Variants in IFT81 observed in about 807,000 individuals in gnomAD.
IFT81 encodes the protein intraflagellar transport 81.
A neutral mutation model predicts 102.6 loss-of-function variants in IFT81; 72 were observed. The observed-to-expected ratio is 0.70, with a 90% CI of 0.58 to 0.85. The LOEUF is 0.85. IFT81 is among the 40% of genes least tolerant of loss of function. IFT81 has a pLI of 0.00. For synonymous variants in IFT81, 237 were observed against 242.7 expected (o/e 0.98, Z 0.22); for missense variants, 723 against 787.3 (o/e 0.92, Z 0.98).
chr12:110,185,965 T>G (rs2137532782), intron 12 of IFT81, among the ~76,000 whole-genome samples: 1 of 152,304 alleles, frequency 6.6e-6, no homozygotes, highest in African/African-American at 2.4e-5. Flanking sequence ...ACCTGTTTAC[T>G]CTTTTCATGG....
intron 11 of IFT81, among the ~76,000 whole-genome samples, chr12:110,165,688 G>T (rs1299397533): frequency 2.0e-5 from 3 of 152,138 alleles, no homozygotes; most frequent in Admixed American, 1.3e-4. Flanking sequence ...AGTGATGCTC[G>T]AGGAGATTGC....
At chr12:110,170,640 AT>A (rs143303762) in intron 11 of IFT81, among the ~76,000 whole-genome samples, 1 of 152,008 alleles carries the variant, frequency 6.6e-6, no homozygotes, top group Admixed American at 6.6e-5. Flanking sequence ...TGGGATCTGA[AT>A]TTTTTTTATA....
At chr12:110,180,377 A>G in intron 11 of IFT81, 45 bp from the exon 12 acceptor site, 1 of 1,277,272 alleles carries the variant, frequency 7.8e-7, no homozygotes, top group South Asian at 1.4e-5. Flanking sequence ...ATATTTAGCT[A>G]CTACTTTTCT....
chr12:110,216,173 G>GTTGTTTTGTT (rs745322792), intron 18 of IFT81, among the ~76,000 whole-genome samples: 1 of 151,612 alleles, frequency 6.6e-6, no homozygotes, highest in Admixed American at 6.6e-5. Flanking sequence ...CCTTGGTTTG[G>GTTGTTTTGTT]TTGTTTTGTT....
Position 110,203,938 on chromosome 12 carries a change from C to G in IFT81, c.1632C>G (p.Ser544=). 1 of 1,609,926 alleles carries G rather than the reference C, an allele frequency of 6.2e-7. No individual in the cohort carries two copies. ...CAGCAGGCCTCGAAAGCAATCGGTC[C>G]AAATTAGAACAGGTAAGAAGAGAGT... is the stretch of plus-strand genomic sequence containing the variant. The part of the protein sequence containing the change: ...SCAAGLESNR[S]KLEQEVRRLR... The change falls in exon 15 of 19, where the codon TCC becomes TCG. Residue 544 remains serine, a synonymous_variant. Coordinates refer to ENST00000242591, the MANE Select transcript of IFT81 (RefSeq NM_014055.4).
chr12:110,199,051 C>T (rs759727214), intron 14 of IFT81, among the ~76,000 whole-genome samples: 33 of 152,076 alleles, frequency 2.2e-4, no homozygotes, highest in Non-Finnish European at 3.8e-4. Flanking sequence ...TCAAGTGATC[C>T]GGCCACCTCC....
At chr12:110,146,521 T>G (rs916775308) in intron 9 of IFT81, among the ~76,000 whole-genome samples, 3 of 152,224 alleles carry the variant, frequency 2.0e-5, no homozygotes, top group African/African-American at 2.4e-5. Flanking sequence ...TAAAATACTT[T>G]AGGATAATTT....
rs996936775 is a variant in IFT81, at chr12:110,144,616, T to C, written c.945+1071T>C. ...ACCTCTGCCTCCCGGGTTCAAGCCATTCTCCTGCCTCAGCCTCCCAAGTAG... is the reference window on the plus strand; with the variant it reads ...ACCTCTGCCTCCCGGGTTCAAGCCACTCTCCTGCCTCAGCCTCCCAAGTAG... On this transcript the variant is annotated intron_variant, in intron 9 of 18. Coordinates refer to ENST00000242591, the MANE Select transcript of IFT81 (RefSeq NM_014055.4). Among the ~76,000 whole-genome samples the C allele has an allele frequency of 3.3e-5, 5 of 151,988 alleles. No individual in the cohort carries two copies. The East Asian group carries it at 9.7e-4, about 29-fold the overall frequency.
intron 4 of IFT81, among the ~76,000 whole-genome samples, chr12:110,132,236 G>A (rs1364460089): frequency 1.3e-5 from 2 of 152,144 alleles, no homozygotes; most frequent in Non-Finnish European, 1.5e-5. Context: ...AGGCCAAAGC[G>A]GATGGATCAT....
chr12:110,154,794 T>G (rs1385269808), intron 10 of IFT81, among the ~76,000 whole-genome samples: 1 of 151,940 alleles, frequency 6.6e-6, no homozygotes, highest in Non-Finnish European at 1.5e-5. Context: ...CTATTGAAAC[T>G]TTTTTTTGGC....
At chr12:110,190,347 C>T (rs1897736047) in intron 12 of IFT81, among the ~76,000 whole-genome samples, 1 of 152,218 alleles carries the variant, frequency 6.6e-6, no homozygotes, top group Non-Finnish European at 1.5e-5. Context: ...CTGATTCCCT[C>T]ACTTCCTACG....
At chr12:110,138,382 G>A (rs1894638608) in intron 8 of IFT81, among the ~76,000 whole-genome samples, 1 of 151,508 alleles carries the variant, frequency 6.6e-6, no homozygotes, top group Admixed American at 6.6e-5. Context: ...AGTATAATTT[G>A]TCTTTTTGCA....
chr12:110,217,728 AT>A (rs1277505967), intron 18 of IFT81, among the ~76,000 whole-genome samples: 2 of 150,684 alleles, frequency 1.3e-5, no homozygotes, highest in Non-Finnish European at 1.5e-5. Flanking sequence ...TGCCTGGCTA[AT>A]TTTTTTTTGT....
intron 18 of IFT81, among the ~76,000 whole-genome samples, chr12:110,213,683 A>G (rs890422745): frequency 1.3e-5 from 2 of 152,216 alleles, no homozygotes; most frequent in African/African-American, 4.8e-5. Context: ...AGAAAGGTAC[A>G]ATAACTGCTT....
intron 10 of IFT81, among the ~76,000 whole-genome samples, chr12:110,148,751 G>A (rs1895363552): frequency 6.6e-6 from 1 of 152,138 alleles, no homozygotes; most frequent in Admixed American, 6.6e-5. Flanking sequence ...GGGATTACAG[G>A]TGTGAGCCAC....
chr12:110,160,319 A>G, intron 10 of IFT81, among the ~76,000 whole-genome samples: 1 of 152,212 alleles, frequency 6.6e-6, no homozygotes, highest in East Asian at 1.9e-4. Flanking sequence ...CCTCAAAACC[A>G]GGGAAGACGA....
chr12:110,161,902 A>C (rs754010024), intron 10 of IFT81, among the ~76,000 whole-genome samples: 1 of 152,302 alleles, frequency 6.6e-6, no homozygotes, highest in Non-Finnish European at 1.5e-5. Context: ...TCCTTGAAAA[A>C]TTATTTGTAT....
At chr12:110,128,252 T>C (rs1430473754) in intron 3 of IFT81, 103 bp downstream of exon 3, 15 of 706,672 alleles carry the variant, frequency 2.1e-5, no homozygotes, top group Non-Finnish European at 3.5e-5. Context: ...TTTCCCTCAT[T>C]TGATGGCCTG....
intron 14 of IFT81, among the ~76,000 whole-genome samples, chr12:110,201,872 A>G (rs917673315): frequency 3.9e-5 from 6 of 152,170 alleles, no homozygotes; most frequent in Non-Finnish European, 8.8e-5. Context: ...GGTCTTCAAG[A>G]GCAATAACAC....
Sources: allele counts gnomAD v4.1 joint callset (sites outside exome capture counted in the v4.1 genomes callset), GRCh38; gene constraint gnomAD v4.1.1; transcripts MANE v1.5; gene names NCBI Gene and HGNC (gene_info 2026-07-23, HGNC 2026-07-21).